ABL2: variants seen among roughly 807,000 people sequenced by gnomAD.
ABL2 encodes the protein ABL proto-oncogene 2, non-receptor tyrosine kinase, also known as tyrosine-protein kinase ABL2.
A neutral mutation model predicts 107.7 loss-of-function variants in ABL2; 49 were observed. The ratio of observed to expected loss-of-function variants is 0.45; its 90% CI spans 0.36 to 0.58. The LOEUF is 0.58. Among genes scored for constraint, ABL2 ranks in the 20% least tolerant of loss-of-function variants. ABL2 has a pLI of 0.00. For missense variants in ABL2, 1,245 were observed against 1,457.0 expected (o/e 0.85, Z 2.37); for synonymous variants, 549 against 548.6 (o/e 1.00, Z -0.01).
intron 1 of ABL2, among the ~76,000 whole-genome samples, chr1:179,163,017 G>A (rs1404349978): frequency 2.6e-5 from 4 of 152,098 alleles, no homozygotes; most frequent in South Asian, 4.1e-4. Context: ...ATTACTGTTG[G>A]TACAAAGCCC....
chr1:179,152,042 A>T (rs1658392495), intron 1 of ABL2, among the ~76,000 whole-genome samples: 1 of 152,194 alleles, frequency 6.6e-6, no homozygotes, highest in African/African-American at 2.4e-5. Flanking sequence ...AGCAGAAAAA[A>T]ACAATATAAA....
rs572418597 is a variant in ABL2 at position 179,145,040 on chromosome 1, G to A, written c.158-11666C>T. On this transcript the variant is annotated intron_variant, in intron 1 of 11. Coordinates refer to ENST00000502732, the MANE Select transcript of ABL2 (RefSeq NM_007314.4). ...GAGATAAATGGATAAACAAAAGGTG[G>A]TCTATACATATAATGAAGTATTATT... 5.3e-5 allele frequency among the ~76,000 whole-genome samples: 8 copies of A among 152,216 alleles called. No homozygotes were observed. In the East Asian group the frequency reaches 1.5e-3, roughly 29 times the overall value.
At chr1:179,124,322 G>A (rs567609299) in intron 4 of ABL2, among the ~76,000 whole-genome samples, 6 of 151,492 alleles carry the variant, frequency 4.0e-5, no homozygotes, top group East Asian at 3.9e-4. Context: ...TTTTTACAAA[G>A]TAAACTCACC....
In ABL2 at chr1:179,107,726, GCAC is replaced by G; in HGVS notation, c.3538_3540del (p.Val1180del). Reference sequence around the variant, plus strand: ...CACCAGGCTAACAGTGGCTACCTCTGCACCACATCACTGATTTCCTGTACACAT... The same window carrying G: ...CACCAGGCTAACAGTGGCTACCTCTGCACATCACTGATTTCCTGTACACAT... On this transcript the variant is annotated inframe_deletion, in exon 12 of 12. Coordinates refer to ENST00000502732, the MANE Select transcript of ABL2 (RefSeq NM_007314.4). The G allele has an allele frequency of 6.2e-7, 1 of 1,606,726 alleles. No homozygotes were observed. The highest frequency in any genetic ancestry group is 8.5e-7 in the Non-Finnish European group (1 of 1,174,932).
At chr1:179,165,896 G>A (rs535827029) in intron 1 of ABL2, among the ~76,000 whole-genome samples, 3 of 151,750 alleles carry the variant, frequency 2.0e-5, no homozygotes, top group South Asian at 2.1e-4. Flanking sequence ...CCTAGGTTCC[G>A]GCGATTCTCC....
Position 179,173,168 on chromosome 1 carries a change from C to T in ABL2, c.158-39794G>A, listed in dbSNP as rs573832027. Reference sequence around the variant, plus strand: ...TCGTGCCATTGCACTCCAGCCTGGGCGACAAGAGTGAAACTCGGCCTCAAA... The same window carrying T: ...TCGTGCCATTGCACTCCAGCCTGGGTGACAAGAGTGAAACTCGGCCTCAAA... On this transcript the variant is annotated intron_variant, in intron 1 of 11. Coordinates refer to ENST00000502732, the MANE Select transcript of ABL2 (RefSeq NM_007314.4). 1.5e-3 allele frequency among the ~76,000 whole-genome samples: 219 copies of T among 145,756 alleles called. 1 individual carries two copies. The highest frequency in any genetic ancestry group is 5.2e-3 in the African/African-American group (208 of 39,656).
intron 1 of ABL2, among the ~76,000 whole-genome samples, chr1:179,138,925 G>A (rs868459728): frequency 1.3e-4 from 20 of 152,308 alleles, no homozygotes; most frequent in African/African-American, 1.9e-4. Context: ...GGCGGGCCCC[G>A]CACTCACACT....
chr1:179,179,568 T>C (rs572022575), intron 1 of ABL2, among the ~76,000 whole-genome samples: 5 of 151,826 alleles, frequency 3.3e-5, no homozygotes, highest in African/African-American at 1.2e-4. Context: ...CATGTACTAA[T>C]ACGGGAAAAA....
At chr1:179,199,001 C>G (rs1262147910) in intron 1 of ABL2, among the ~76,000 whole-genome samples, 2 of 151,972 alleles carry the variant, frequency 1.3e-5, no homozygotes, top group Non-Finnish European at 1.5e-5. Context: ...ACCACCATGC[C>G]CAGCTAATGT....
intron 1 of ABL2, among the ~76,000 whole-genome samples, chr1:179,159,816 C>A (rs1353329355): frequency 6.6e-6 from 1 of 151,896 alleles, no homozygotes; most frequent in Non-Finnish European, 1.5e-5. Context: ...TATATATAAC[C>A]TATATAAAAC....
At chr1:179,161,750 G>A (rs1659081675) in intron 1 of ABL2, among the ~76,000 whole-genome samples, 1 of 152,110 alleles carries the variant, frequency 6.6e-6, no homozygotes. Context: ...GCCATACTGA[G>A]GTAACATGCT....
Position 179,121,701 on chromosome 1 carries a change from C to A in ABL2, c.854G>T (p.Arg285Leu). The A allele has an allele frequency of 6.2e-7, 1 of 1,614,074 alleles. No homozygotes were observed. The highest frequency in any genetic ancestry group is 8.5e-7 in the Non-Finnish European group (1 of 1,180,018). Residue 285 changes from arginine (R) to leucine (L), a missense_variant, in exon 5 of 12, where the codon CGA (arginine) becomes CTA (leucine). Transcript: ENST00000502732. ...TTTGTGCTTCATGGTAATATCTGTT[C>A]GCTCCATTTCCCATTTGTCGTGGAT... ...SPIHDKWEME[R>L]TDITMKHKLG...
Position 179,117,468 on chromosome 1 carries a change from T to C in ABL2, c.1272A>G (p.Lys424=), listed in dbSNP as rs1557918571. The C allele has an allele frequency of 6.2e-7, 1 of 1,614,130 alleles. No homozygotes were observed. Residue 424 remains lysine (K), a synonymous_variant, in exon 8 of 12, where the codon AAA becomes AAG. Transcript: ENST00000502732. ...ATCTACTTAAGCCAAAGTCAGCCAC[T>C]TTTACCACATGGTTTTCTCCCACTA... ...NCLVGENHVV[K]VADFGLSRLM... is the part of the protein sequence containing the mutation.
At chr1:179,112,255 A>G in intron 10 of ABL2, 54 bp downstream of exon 10, 1 of 1,474,922 alleles carries the variant, frequency 6.8e-7, no homozygotes, top group South Asian at 1.2e-5. Flanking sequence ...CATTATCACC[A>G]CCACCACCAC....
intron 5 of ABL2, among the ~76,000 whole-genome samples, chr1:179,120,819 A>G (rs1302265113): frequency 6.6e-6 from 1 of 152,174 alleles, no homozygotes; most frequent in East Asian, 1.9e-4. Flanking sequence ...CCTATAATCA[A>G]CTGAAACACA....
At chr1:179,122,262 T>C (rs564493583) in intron 4 of ABL2, among the ~76,000 whole-genome samples, 1 of 128,724 alleles carries the variant, frequency 7.8e-6, no homozygotes, top group African/African-American at 3.0e-5. Flanking sequence ...AAGATATAGA[T>C]AGAAGGCTAT....
chr1:179,191,970 T>C (rs1449340542), intron 1 of ABL2, among the ~76,000 whole-genome samples: 1 of 152,214 alleles, frequency 6.6e-6, no homozygotes, highest in Non-Finnish European at 1.5e-5. Context: ...TTTCCTTTGC[T>C]TTTATATTCT....
chr1:179,128,724 G>A (rs933941186), intron 3 of ABL2, among the ~76,000 whole-genome samples: 21 of 152,304 alleles, frequency 1.4e-4, no homozygotes, highest in African/African-American at 4.8e-4. Context: ...TCCCTCTGTC[G>A]CCACGCGGCA....
intron 1 of ABL2, among the ~76,000 whole-genome samples, chr1:179,197,686 T>C (rs971203729): frequency 7.9e-5 from 12 of 151,636 alleles, no homozygotes; most frequent in Non-Finnish European, 1.5e-4. Flanking sequence ...TTGATCAATA[T>C]GGTGAAATCC....
Sources: allele counts gnomAD v4.1 joint callset (sites outside exome capture counted in the v4.1 genomes callset), GRCh38; gene constraint gnomAD v4.1.1; transcripts MANE v1.5; gene names NCBI Gene and HGNC (gene_info 2026-07-23, HGNC 2026-07-21).